Variants in SCML4 observed in about 807,000 individuals in gnomAD.
The protein encoded by SCML4 is sex comb on midleg-like protein 4.
In SCML4, 34 loss-of-function variants were observed where a neutral mutation model predicts 41.1. That is an observed-to-expected ratio of 0.83 (90% CI 0.63 to 1.10). SCML4 has a LOEUF of 1.10. Among genes scored for constraint, SCML4 ranks in the 50% least tolerant of loss-of-function variants. The probability of loss-of-function intolerance (pLI) is 0.00; values close to 1 mark genes in which losing one functional copy is unlikely to be tolerated. For missense variants in SCML4, 522 were observed against 534.1 expected (o/e 0.98, Z 0.22); for synonymous variants, 214 against 220.9 (o/e 0.97, Z 0.28).
At chr6:107,758,748 C>A (rs1779308313) in intron 2 of SCML4, among the ~76,000 whole-genome samples, 1 of 152,034 alleles carries the variant, frequency 6.6e-6, no homozygotes, top group African/African-American at 2.4e-5. Context: ...CAAGAAAGGA[C>A]CCTCCCCTGG....
At chr6:107,823,917 G>A (rs1785124713) in intron 1 of SCML4, among the ~76,000 whole-genome samples, 1 of 152,150 alleles carries the variant, frequency 6.6e-6, no homozygotes, top group East Asian at 1.9e-4. Context: ...TCTGAGATCT[G>A]GTTAATAAAT....
chr6:107,789,709 T>C (rs569664703), intron 1 of SCML4, among the ~76,000 whole-genome samples: 1 of 152,186 alleles, frequency 6.6e-6, no homozygotes, highest in South Asian at 2.1e-4. Flanking sequence ...CCTGAACAAG[T>C]CCTCCTTCCC....
the SCML4 span, among the ~76,000 whole-genome samples, chr6:107,842,380 A>ATG: frequency 6.6e-6 from 1 of 152,184 alleles, no homozygotes; most frequent in Non-Finnish European, 1.5e-5. Context: ...ATAAAAAATT[A>ATG]TGTATTCTGT....
intron 6 of SCML4, 106 bp downstream of exon 6, chr6:107,720,597 G>T (rs11751218): frequency 0.64 from 913,714 of 1,433,792 alleles, 296,078 homozygotes; most frequent in Middle Eastern, 0.68. Flanking sequence ...TCTCCCAGCA[G>T]TCCCACGTTT....
chr6:107,727,668 C>T (rs1317201944), intron 5 of SCML4, among the ~76,000 whole-genome samples: 1 of 152,234 alleles, frequency 6.6e-6, no homozygotes, highest in African/African-American at 2.4e-5. Context: ...TGCATCTCTT[C>T]CCTCTGGGTC....
At chr6:107,715,832 T>G (rs117069555) in intron 6 of SCML4, among the ~76,000 whole-genome samples, 3,449 of 152,350 alleles carry the variant, frequency 0.023, 116 homozygotes, top group East Asian at 0.16. Context: ...TTTGTGGTTT[T>G]AAACCATTTT....
rs147000534 is a variant in SCML4, at chr6:107,764,756, C to T, written c.156+7416G>A. Among the ~76,000 whole-genome samples the T allele has an allele frequency of 3.9e-3, 598 of 152,292 alleles. 4 individuals carry two copies. Among genetic ancestry groups the T allele is most frequent in the East Asian group, 0.038 (199 of 5,186 alleles). ...TGAATTGTAGCTCCCATAATTCCCACGTGTTGTGGGAGGGACCCGGTGGGA... is the reference window on the plus strand; with the variant it reads ...TGAATTGTAGCTCCCATAATTCCCATGTGTTGTGGGAGGGACCCGGTGGGA... On this transcript the variant is annotated intron_variant, in intron 2 of 7. Coordinates refer to ENST00000369020, the MANE Select transcript of SCML4 (RefSeq NM_198081.5).
chr6:107,790,081 G>C (rs930426454), intron 1 of SCML4, among the ~76,000 whole-genome samples: 1 of 152,166 alleles, frequency 6.6e-6, no homozygotes, highest in African/African-American at 2.4e-5. Flanking sequence ...CTGGCACCTG[G>C]TCAACGAGAG....
chr6:107,761,143 A>C (rs1402888824), intron 2 of SCML4, among the ~76,000 whole-genome samples: 1 of 152,178 alleles, frequency 6.6e-6, no homozygotes, highest in Non-Finnish European at 1.5e-5. Context: ...TTTCAGAAGA[A>C]AAGAATATGG....
chr6:107,796,759 TTTG>T lies in SCML4; in HGVS notation c.-59-24376_-59-24374del, dbSNP rs534712098. Among the ~76,000 whole-genome samples the T allele has an allele frequency of 8.7e-3, 1,325 of 152,284 alleles. 10 individuals carry two copies. The highest frequency in any genetic ancestry group is 0.013 in the Non-Finnish European group (914 of 67,994). On this transcript the variant is annotated intron_variant, in intron 1 of 7. Coordinates refer to ENST00000369020, the MANE Select transcript of SCML4 (RefSeq NM_198081.5). ...ATTGTCTTGTGTTTTCTTCTAATTT[TTTG>T]TTGTTGTACTTATCACATTACAAGT...
intron 5 of SCML4, among the ~76,000 whole-genome samples, chr6:107,737,432 G>A (rs867257768): frequency 8.5e-5 from 13 of 152,158 alleles, no homozygotes; most frequent in Middle Eastern, 6.8e-3. Flanking sequence ...GTGCCACCTC[G>A]ATCCAACCAC....
intron 6 of SCML4, chr6:107,719,080 C>G (rs1030025345): frequency 6.6e-6 from 1 of 152,226 alleles, no homozygotes; most frequent in African/African-American, 2.4e-5. Flanking sequence ...CGTGAAAGAT[C>G]TTGTCCCTTT....
intron 2 of SCML4, among the ~76,000 whole-genome samples, chr6:107,771,605 G>A (rs796777939): frequency 8.5e-5 from 13 of 152,326 alleles, no homozygotes; most frequent in African/African-American, 3.1e-4. Context: ...ATGCCTCCTT[G>A]TAGCCAAACT....
chr6:107,844,810 C>A, the SCML4 span, among the ~76,000 whole-genome samples: 1 of 151,992 alleles, frequency 6.6e-6, no homozygotes, highest in Non-Finnish European at 1.5e-5. Context: ...ACCTGTAATC[C>A]CAACACTTTG....
intron 2 of SCML4, among the ~76,000 whole-genome samples, chr6:107,762,318 G>C (rs1349338071): frequency 6.6e-6 from 1 of 151,830 alleles, no homozygotes; most frequent in Non-Finnish European, 1.5e-5. Context: ...AGAAAAGACA[G>C]GTAAAAGGAA....
chr6:107,767,143 A>C (rs1458587687), intron 2 of SCML4, among the ~76,000 whole-genome samples: 1 of 152,012 alleles, frequency 6.6e-6, no homozygotes, highest in Admixed American at 6.6e-5. Context: ...TTTTTAGTAC[A>C]GACGGGGTTT....
chr6:107,803,492 G>T (rs1384570684), intron 1 of SCML4, among the ~76,000 whole-genome samples: 5 of 149,458 alleles, frequency 3.3e-5, no homozygotes, highest in Admixed American at 2.6e-4. Flanking sequence ...CTGCCCGGCC[G>T]CCCCTACTGG....
intron 5 of SCML4, among the ~76,000 whole-genome samples, chr6:107,723,970 T>C (rs1179992980): frequency 6.6e-6 from 1 of 152,132 alleles, no homozygotes; most frequent in African/African-American, 2.4e-5. Flanking sequence ...CATGACCAAG[T>C]AGGATTTATC....
intron 3 of SCML4, 152 bp from the exon 4 acceptor site, chr6:107,747,041 A>G: frequency 1.6e-6 from 1 of 632,860 alleles, no homozygotes; most frequent in Non-Finnish European, 2.7e-6. Flanking sequence ...ATTCTTCCCA[A>G]CTTAAGAAGT....
Sources: gnomAD v4.1 joint callset for allele counts (sites outside exome capture counted in the v4.1 genomes callset) on GRCh38, gnomAD v4.1.1 for gene constraint, MANE v1.5 for transcripts, NCBI Gene and HGNC (gene_info 2026-07-23, HGNC 2026-07-21) for gene names.